The following TRAPPC9 variants were observed in gnomAD, a reference collection of about 807,000 sequenced individuals.
The protein encoded by TRAPPC9 is trafficking protein particle complex subunit 9.
TRAPPC9 carries 83 observed loss-of-function variants against 124.0 expected under a neutral mutation model. The observed-to-expected ratio is 0.67, with a 90% CI of 0.56 to 0.80. The LOEUF (loss-of-function observed/expected upper bound fraction) is 0.80. Ranked by LOEUF, TRAPPC9 falls within the 30% of genes least tolerant of loss-of-function variation. The probability of loss-of-function intolerance (pLI) is 0.00; values close to 1 mark genes in which losing one functional copy is unlikely to be tolerated. For synonymous variants in TRAPPC9, 638 were observed against 617.5 expected (o/e 1.03, Z -0.49); for missense variants, 1,302 against 1,508.3 (o/e 0.86, Z 2.27).
At chr8:140,028,803 C>T (rs748289474) in intron 17 of TRAPPC9, among the ~76,000 whole-genome samples, 1 of 152,070 alleles carries the variant, frequency 6.6e-6, no homozygotes, top group Non-Finnish European at 1.5e-5. Context: ...TATGAGAATA[C>T]AGGAGGAGAA....
chr8:140,030,643 T>C (rs1397639921), intron 17 of TRAPPC9, among the ~76,000 whole-genome samples: 1 of 152,192 alleles, frequency 6.6e-6, no homozygotes, highest in Non-Finnish European at 1.5e-5. Context: ...AAACAAATTG[T>C]AGTAAATTCA....
chr8:139,893,672 A>G (rs1272376224), intron 20 of TRAPPC9, among the ~76,000 whole-genome samples: 5 of 152,228 alleles, frequency 3.3e-5, no homozygotes, highest in East Asian at 1.9e-4. Context: ...GCTGCCCTTC[A>G]CCAGCAGTGC....
At chr8:139,775,098 G>A (rs761093959) in intron 21 of TRAPPC9, among the ~76,000 whole-genome samples, 16 of 152,132 alleles carry the variant, frequency 1.1e-4, no homozygotes, top group Admixed American at 3.3e-4. Flanking sequence ...GGGGCTGTCC[G>A]GGTCTGTGGG....
intron 5 of TRAPPC9, among the ~76,000 whole-genome samples, chr8:140,418,546 C>T (rs1398908483): frequency 3.3e-5 from 5 of 152,134 alleles, no homozygotes; most frequent in African/African-American, 1.2e-4. Context: ...CATGATAAAA[C>T]CCTGTCTCTA....
chr8:140,323,388 T>A (rs1477252712), intron 9 of TRAPPC9, among the ~76,000 whole-genome samples: 1 of 152,132 alleles, frequency 6.6e-6, no homozygotes, highest in Non-Finnish European at 1.5e-5. Context: ...GGCGGTAGAA[T>A]CTCTGATTCA....
At chr8:140,119,215 A>AAGC (rs2060942912) in intron 17 of TRAPPC9, among the ~76,000 whole-genome samples, 2 of 152,264 alleles carry the variant, frequency 1.3e-5, no homozygotes, top group Non-Finnish European at 2.9e-5. Flanking sequence ...TGCAGCCAGC[A>AAGC]AGCACACGGG....
intron 21 of TRAPPC9, among the ~76,000 whole-genome samples, chr8:139,772,182 A>T (rs1384157055): frequency 6.6e-6 from 1 of 152,228 alleles, no homozygotes; most frequent in Non-Finnish European, 1.5e-5. Context: ...ACACGTGTGC[A>T]CATGTGCTTA....
intron 19 of TRAPPC9, among the ~76,000 whole-genome samples, chr8:139,957,038 A>G (rs1191164887): frequency 6.6e-6 from 1 of 152,250 alleles, no homozygotes; most frequent in African/African-American, 2.4e-5. Context: ...GCAAAATCGC[A>G]TTCCACACAG....
intron 2 of TRAPPC9, among the ~76,000 whole-genome samples, chr8:140,441,340 G>GA (rs1226260349): frequency 2.2e-4 from 33 of 149,948 alleles, no homozygotes; most frequent in South Asian, 6.3e-4. Flanking sequence ...TTCCAAATGG[G>GA]AAAAAAAAAC....
intron 17 of TRAPPC9, among the ~76,000 whole-genome samples, chr8:140,074,445 A>G (rs1843374104): frequency 6.6e-6 from 1 of 152,168 alleles, no homozygotes. Context: ...CATCTCCAAA[A>G]GGGAGGCCAC....
rs1202417315 is a variant in TRAPPC9 at position 140,456,935 on chromosome 8, G to A, written c.-11+704C>T. On this transcript the variant is annotated intron_variant, in intron 1 of 22. Coordinates refer to ENST00000438773, the MANE Select transcript of TRAPPC9 (RefSeq NM_001160372.4). ...TGGGAAGGTCTGCAGGGGTGGAGGGGATTGGGGTGGGCTGACAGGGAGAAG... is the reference window on the plus strand; with the variant it reads ...TGGGAAGGTCTGCAGGGGTGGAGGGAATTGGGGTGGGCTGACAGGGAGAAG... 10 of 549,042 alleles carry A rather than the reference G, an allele frequency of 1.8e-5. No homozygotes were observed. In the South Asian group the frequency reaches 2.4e-4, roughly 13 times the overall value. 34.0% of individuals were successfully genotyped at this position (549,042 alleles called of 1,614,324 possible).
intron 15 of TRAPPC9, among the ~76,000 whole-genome samples, chr8:140,275,349 C>T (rs1261266649): frequency 1.3e-5 from 2 of 152,204 alleles, no homozygotes; most frequent in African/African-American, 4.8e-5. Context: ...AATAGTTCTG[C>T]TGAGTAGCTG....
intron 20 of TRAPPC9, among the ~76,000 whole-genome samples, chr8:139,900,642 TGAG>T (rs1446655961): frequency 6.6e-6 from 1 of 152,252 alleles, no homozygotes; most frequent in African/African-American, 2.4e-5. Flanking sequence ...TTGGGAACTA[TGAG>T]TGTTCACTTC....
chr8:140,225,484 A>G (rs7832044), intron 16 of TRAPPC9, among the ~76,000 whole-genome samples: 3,568 of 152,296 alleles, frequency 0.023, 61 homozygotes, highest in Middle Eastern at 0.044. Context: ...AGTTTGAATG[A>G]GTTTATTTTC....
At chr8:140,009,894 G>A (rs867146896) in intron 18 of TRAPPC9, among the ~76,000 whole-genome samples, 39 of 152,170 alleles carry the variant, frequency 2.6e-4, no homozygotes, top group African/African-American at 8.7e-4. Context: ...ACAGTGCTTC[G>A]CAGAAAATAG....
At position 140,033,018 on chromosome 8, in the gene TRAPPC9, A is replaced by G. The variant is rs558407484; in HGVS notation, c.2557-8939T>C. 4.6e-5 allele frequency among the ~76,000 whole-genome samples: 7 copies of G among 152,272 alleles called. No individual in the cohort carries two copies. In the South Asian group the frequency reaches 1.4e-3, roughly 32 times the overall value. ...CTTTCCATATGCTTGGCACATTTTCATGCCTTTTTCATGAATTACACATTC... is the reference window on the plus strand; with the variant it reads ...CTTTCCATATGCTTGGCACATTTTCGTGCCTTTTTCATGAATTACACATTC... On this transcript the variant is annotated intron_variant, in intron 17 of 22. Transcript: ENST00000438773.
intron 19 of TRAPPC9, among the ~76,000 whole-genome samples, chr8:139,917,167 C>CATTTTTTTTTTTTTTTTTTT (rs1365771477): frequency 1.0e-5 from 1 of 99,926 alleles, no homozygotes; most frequent in African/African-American, 4.3e-5. Context: ...TTATTATTTT[C>CATTTTTTTTTTTTTTTTTTT]TTTTTTTTTT....
At chr8:140,443,033 T>C (rs1317325474) in intron 2 of TRAPPC9, among the ~76,000 whole-genome samples, 1 of 143,332 alleles carries the variant, frequency 7.0e-6, no homozygotes, top group Non-Finnish European at 1.5e-5. Context: ...CTCAGGAGGC[T>C]GAGGCAGGAG....
intron 17 of TRAPPC9, among the ~76,000 whole-genome samples, chr8:140,196,816 T>C (rs867944505): frequency 3.3e-5 from 5 of 151,410 alleles, no homozygotes; most frequent in Admixed American, 6.6e-5. Flanking sequence ...AACTATCCAC[T>C]GTACAGATCG....
Sources: gnomAD v4.1 joint callset for allele counts (sites outside exome capture counted in the v4.1 genomes callset) on GRCh38, gnomAD v4.1.1 for gene constraint, MANE v1.5 for transcripts, NCBI Gene and HGNC (gene_info 2026-07-23, HGNC 2026-07-21) for gene names.